Variants in ATRNL1 observed in about 807,000 individuals in gnomAD.
The protein encoded by ATRNL1 is attractin like 1, also known as attractin-like protein 1.
In ATRNL1, 95 loss-of-function variants were observed where a neutral mutation model predicts 182.7. The observed-to-expected ratio is 0.52, with a 90% CI of 0.44 to 0.62. The LOEUF (loss-of-function observed/expected upper bound fraction) is 0.62. Among genes scored for constraint, ATRNL1 ranks in the 20% least tolerant of loss-of-function variants. The pLI is 0.00. For missense variants in ATRNL1, 1,471 were observed against 1,679.5 expected (o/e 0.88, Z 2.17); for synonymous variants, 576 against 568.3 (o/e 1.01, Z -0.19).
chr10:115,731,662 T>C (rs1947800990), intron 27 of ATRNL1, among the ~76,000 whole-genome samples: 1 of 149,308 alleles, frequency 6.7e-6, no homozygotes, highest in South Asian at 2.1e-4. Flanking sequence ...ATATATAATG[T>C]TCTAATATTT....
Position 115,686,760 on chromosome 10 carries a change from C to T in ATRNL1, c.3796-40488C>T, listed in dbSNP as rs148974475. 6.6e-3 allele frequency among the ~76,000 whole-genome samples: 1,009 copies of T among 152,052 alleles called. 12 individuals are homozygous for T. The highest frequency in any genetic ancestry group is 0.023 in the African/African-American group (942 of 41,530). On this transcript the variant is annotated intron_variant, in intron 26 of 28. Coordinates refer to ENST00000355044, the MANE Select transcript of ATRNL1 (RefSeq NM_207303.4). ...TAGGCTTGATATCCAAGTTATCTTCCATCATTTTGCATTACATCTATTACA... is the reference window on the plus strand; with the variant it reads ...TAGGCTTGATATCCAAGTTATCTTCTATCATTTTGCATTACATCTATTACA...
chr10:115,135,955 C>T (rs1264790), intron 5 of ATRNL1, among the ~76,000 whole-genome samples: 8,622 of 151,862 alleles, frequency 0.057, 788 homozygotes, highest in African/African-American at 0.19. Flanking sequence ...ACCTTCCATG[C>T]TGAAATGATC....
intron 17 of ATRNL1, among the ~76,000 whole-genome samples, chr10:115,314,071 G>A (rs761717674): frequency 5.3e-5 from 8 of 152,200 alleles, no homozygotes; most frequent in Admixed American, 4.6e-4. Context: ...GTCATTTAGC[G>A]CTGTGTACTG....
chr10:115,169,044 A>G (rs1284490319), intron 7 of ATRNL1, among the ~76,000 whole-genome samples: 7 of 135,148 alleles, frequency 5.2e-5, no homozygotes, highest in Non-Finnish European at 7.8e-5. Context: ...GCATGTGACT[A>G]TCCAGTTCTC....
chr10:115,884,141 C>T (rs1192841045), intron 28 of ATRNL1, among the ~76,000 whole-genome samples: 3 of 152,148 alleles, frequency 2.0e-5, no homozygotes, highest in Admixed American at 6.5e-5. Flanking sequence ...CTGTTTTAGC[C>T]GTGATCATTC....
rs782456237 is a variant in ATRNL1, at chr10:115,944,759, C to A, written c.4120C>A (p.Arg1374Ser). 6.2e-7 allele frequency: 1 copy of A among 1,613,282 alleles called. No individual in the cohort carries two copies. The highest frequency in any genetic ancestry group is 8.5e-7 in the Non-Finnish European group (1 of 1,179,566). Residue 1374 changes from arginine to serine, a missense_variant, in exon 29 of 29, where the codon CGT becomes AGT. Physicochemically the swap from Arg to Ser is moderately radical, Grantham distance 110. Coordinates refer to ENST00000355044, the MANE Select transcript of ATRNL1 (RefSeq NM_207303.4). ...CCGGAATCGAAAACACCTTTCAACA[C>A]GTCAAGGAACTTGTGTCTGAGAAAT... is the stretch of plus-strand genomic sequence containing the variant. ...GVRNRKHLSTRQGTCV is the reference protein window; with the variant it reads ...GVRNRKHLSTSQGTCV
At chr10:115,483,312 G>GA (rs1848860301) in intron 24 of ATRNL1, among the ~76,000 whole-genome samples, 1 of 151,224 alleles carries the variant, frequency 6.6e-6, no homozygotes, top group Non-Finnish European at 1.5e-5. Context: ...TTCACGCTGG[G>GA]AAAAAAATTG....
At chr10:115,496,500 T>A (rs1439729709) in intron 24 of ATRNL1, among the ~76,000 whole-genome samples, 1 of 152,048 alleles carries the variant, frequency 6.6e-6, no homozygotes, top group Non-Finnish European at 1.5e-5. Context: ...GATTATGTGG[T>A]TTTTGTTTTT....
intron 1 of ATRNL1, among the ~76,000 whole-genome samples, chr10:115,104,394 A>AT (rs1198583512): frequency 2.0e-5 from 3 of 151,912 alleles, no homozygotes; most frequent in South Asian, 4.2e-4. Context: ...GGATTATTAG[A>AT]TTTTTTTTCT....
At chr10:115,244,546 G>A (rs1294338553) in intron 10 of ATRNL1, among the ~76,000 whole-genome samples, 1 of 152,168 alleles carries the variant, frequency 6.6e-6, no homozygotes, top group Non-Finnish European at 1.5e-5. Context: ...AGCTAGGGTG[G>A]TGAATAAGAT....
rs544899356 is a variant in ATRNL1, at chr10:115,731,768, A to G, written c.3903+4413A>G. Among the ~76,000 whole-genome samples, 418 of 151,818 alleles carry G rather than the reference A, an allele frequency of 2.8e-3. 2 individuals carry two copies. Among genetic ancestry groups the G allele is most frequent in the African/African-American group, 7.2e-3 (298 of 41,450 alleles). ...CTGTCATCACCCCGAAAGAAACCCT[A>G]TGCCTTTCAGCAGTCTCCCTACCCC... On this transcript the variant is annotated intron_variant, in intron 27 of 28. Coordinates refer to ENST00000355044, the MANE Select transcript of ATRNL1 (RefSeq NM_207303.4).
At chr10:115,281,596 A>G in intron 14 of ATRNL1, 109 bp downstream of exon 14, 1 of 1,121,350 alleles carries the variant, frequency 8.9e-7, no homozygotes, top group Non-Finnish European at 1.3e-6. Flanking sequence ...AAGTCATAGT[A>G]AATATCAACC....
At chr10:115,571,609 G>T (rs1341793389) in intron 26 of ATRNL1, among the ~76,000 whole-genome samples, 1 of 151,854 alleles carries the variant, frequency 6.6e-6, no homozygotes, top group Non-Finnish European at 1.5e-5. Context: ...GTGTAATTTT[G>T]TTATGTATTA....
chr10:115,305,377 C>T (rs531740085), intron 17 of ATRNL1, among the ~76,000 whole-genome samples: 17 of 152,140 alleles, frequency 1.1e-4, no homozygotes, highest in African/African-American at 3.9e-4. Flanking sequence ...AGAGGTATGC[C>T]TGGGATGGAC....
At chr10:115,230,345 T>A (rs1554899670) in intron 9 of ATRNL1, among the ~76,000 whole-genome samples, 1 of 152,120 alleles carries the variant, frequency 6.6e-6, no homozygotes, top group South Asian at 2.1e-4. Context: ...TCATAAGACA[T>A]CTTAATAAAA....
At chr10:115,547,381 A>G (rs906587029) in intron 25 of ATRNL1, among the ~76,000 whole-genome samples, 1 of 151,974 alleles carries the variant, frequency 6.6e-6, no homozygotes, top group African/African-American at 2.4e-5. Context: ...TAGGTGCTGG[A>G]TCACTATCAG....
At chr10:115,764,380 A>G (rs1271076375) in intron 27 of ATRNL1, among the ~76,000 whole-genome samples, 2 of 152,118 alleles carry the variant, frequency 1.3e-5, no homozygotes, top group Non-Finnish European at 2.9e-5. Context: ...GGGTTTGGGC[A>G]AATGTGTAAT....
intron 5 of ATRNL1, among the ~76,000 whole-genome samples, chr10:115,145,284 CTT>C (rs1421572828): frequency 6.6e-6 from 1 of 152,094 alleles, no homozygotes; most frequent in East Asian, 1.9e-4. Context: ...AGTGTCATCA[CTT>C]TGCAATATTT....
chr10:115,452,071 C>T (rs1253884748), intron 21 of ATRNL1, among the ~76,000 whole-genome samples: 1 of 152,024 alleles, frequency 6.6e-6, no homozygotes, highest in Non-Finnish European at 1.5e-5. Context: ...AACTAAAGAA[C>T]ACAAAGAAGG....
Sources: allele counts gnomAD v4.1 joint callset (sites outside exome capture counted in the v4.1 genomes callset), GRCh38; gene constraint gnomAD v4.1.1; transcripts MANE v1.5; gene names NCBI Gene and HGNC (gene_info 2026-07-23, HGNC 2026-07-21).